VSNL1: variants seen among roughly 807,000 people sequenced by gnomAD.
VSNL1 encodes visinin like 1.
VSNL1 carries 6 observed loss-of-function variants against 20.4 expected under a neutral mutation model. The observed-to-expected ratio is 0.29, with a 90% CI of 0.16 to 0.58. VSNL1 has a LOEUF of 0.58. VSNL1 is among the 20% of genes least tolerant of loss of function. VSNL1 has a pLI of 0.90. For synonymous variants in VSNL1, 93 were observed against 86.4 expected, an observed-to-expected ratio of 1.08 and a Z score of -0.42; for missense variants, 100 against 234.5, an observed-to-expected ratio of 0.43 and a Z score of 3.75.
intron 2 of VSNL1, among the ~76,000 whole-genome samples, chr2:17,611,866 A>G (rs766759009): frequency 3.4e-4 from 51 of 152,220 alleles, no homozygotes; most frequent in Admixed American, 6.5e-4. Context: ...TAATGCGTAC[A>G]TCCTGCTAAG....
chr2:17,584,194 C>T (rs1468827596), intron 1 of VSNL1, among the ~76,000 whole-genome samples: 1 of 151,920 alleles, frequency 6.6e-6, no homozygotes, highest in Non-Finnish European at 1.5e-5. Context: ...TACGCTAAGT[C>T]CAGATGAAAA....
At chr2:17,632,076 G>A (rs773235646) in intron 2 of VSNL1, among the ~76,000 whole-genome samples, 2 of 151,948 alleles carry the variant, frequency 1.3e-5, no homozygotes, top group Non-Finnish European at 2.9e-5. Context: ...TAGTAGAGAC[G>A]GTTTTTCACC....
At chr2:17,599,270 T>C (rs1004487384) in intron 2 of VSNL1, among the ~76,000 whole-genome samples, 3 of 152,110 alleles carry the variant, frequency 2.0e-5, no homozygotes, top group Non-Finnish European at 4.4e-5. Context: ...GTTAGGAAGG[T>C]GACATTCAAG....
At chr2:17,558,950 T>C (rs1385672320) in intron 1 of VSNL1, among the ~76,000 whole-genome samples, 1 of 152,108 alleles carries the variant, frequency 6.6e-6, no homozygotes, top group Non-Finnish European at 1.5e-5. Context: ...CTCACTCATA[T>C]AAAGAAACTC....
At chr2:17,618,485 G>A (rs1333514260) in intron 2 of VSNL1, among the ~76,000 whole-genome samples, 4 of 152,208 alleles carry the variant, frequency 2.6e-5, no homozygotes, top group African/African-American at 9.7e-5. Context: ...GGATAATCCA[G>A]AAATAATTTC....
At chr2:17,576,917 T>C (rs888442462) in intron 1 of VSNL1, among the ~76,000 whole-genome samples, 1 of 152,232 alleles carries the variant, frequency 6.6e-6, no homozygotes, top group Non-Finnish European at 1.5e-5. Context: ...TTGCTTTAGA[T>C]ACAAATACAG....
At chr2:17,632,394 G>T (rs912947956) in intron 2 of VSNL1, among the ~76,000 whole-genome samples, 1 of 151,956 alleles carries the variant, frequency 6.6e-6, no homozygotes, top group African/African-American at 2.4e-5. Context: ...TCTGCCTCCC[G>T]GGTTCAAGTG....
chr2:17,608,370 A>T (rs1665004001), intron 2 of VSNL1, among the ~76,000 whole-genome samples: 1 of 152,214 alleles, frequency 6.6e-6, no homozygotes, highest in Non-Finnish European at 1.5e-5. Flanking sequence ...TGTTAAAGCT[A>T]ATATGTCGTG....
rs78000189 is a variant in VSNL1, at chr2:17,576,171, T to C, written c.-5-15899T>C. 8.6e-4 allele frequency among the ~76,000 whole-genome samples: 131 copies of C among 152,298 alleles called. 4 individuals carry two copies. The East Asian group carries it at 0.024, about 27-fold the overall frequency. Reference sequence around the variant, plus strand: ...TGTCTTCATTTTTTGCAGTAACTAGTTGTAATTATAGAGTGTGTTTAATTT... The same window carrying C: ...TGTCTTCATTTTTTGCAGTAACTAGCTGTAATTATAGAGTGTGTTTAATTT... On this transcript the variant is annotated intron_variant, in intron 1 of 3. Coordinates refer to ENST00000295156, the MANE Select transcript of VSNL1 (RefSeq NM_003385.5).
chr2:17,588,840 A>G (rs190363167), intron 1 of VSNL1, among the ~76,000 whole-genome samples: 65 of 152,332 alleles, frequency 4.3e-4, no homozygotes, highest in Admixed American at 9.8e-4. Flanking sequence ...TATATAGATT[A>G]TGAGACATTT....
chr2:17,629,160 G>C (rs1665577747), intron 2 of VSNL1, among the ~76,000 whole-genome samples: 1 of 152,204 alleles, frequency 6.6e-6, no homozygotes, highest in African/African-American at 2.4e-5. Flanking sequence ...CCCAGACTGA[G>C]TTTTCAGGGC....
At chr2:17,631,993 TCTC>T (rs1342826130) in intron 2 of VSNL1, among the ~76,000 whole-genome samples, 20 of 152,160 alleles carry the variant, frequency 1.3e-4, no homozygotes, top group Admixed American at 8.5e-4. Context: ...TTCAAGTAAT[TCTC>T]CTTCCTCAGC....
chr2:17,585,860 C>T (rs1473885114), intron 1 of VSNL1, among the ~76,000 whole-genome samples: 2 of 149,384 alleles, frequency 1.3e-5, no homozygotes, highest in Admixed American at 1.3e-4. Context: ...GGCTGGAGTA[C>T]AATGGTGCGA....
rs1038636997 is a variant in VSNL1 at position 17,634,639 on chromosome 2, A to G, written c.163-14771A>G. On this transcript the variant is annotated intron_variant, in intron 2 of 3. Coordinates refer to ENST00000295156, the MANE Select transcript of VSNL1 (RefSeq NM_003385.5). This position sits in a 1 kb window ranked among gnomAD's most constrained non-coding sequence, Gnocchi z 4.3. ...CTCATCTCTCCTCTGAGATCAGCAA[A>G]GTAAGAATGAGCCTCTCAGGTCGTA... Among the ~76,000 whole-genome samples the G allele has an allele frequency of 6.6e-6, 1 of 152,208 alleles. No homozygotes were observed. Among genetic ancestry groups the G allele is most frequent in the Non-Finnish European group, 1.5e-5 (1 of 68,050 alleles).
chr2:17,647,772 A>G (rs1217115265), intron 2 of VSNL1, among the ~76,000 whole-genome samples: 2 of 152,238 alleles, frequency 1.3e-5, no homozygotes, highest in South Asian at 2.1e-4. Context: ...GACCAAGTCA[A>G]TTTTGAGTAA....
At chr2:17,585,697 C>G (rs1210872888) in intron 1 of VSNL1, among the ~76,000 whole-genome samples, 4 of 152,136 alleles carry the variant, frequency 2.6e-5, no homozygotes, top group African/African-American at 7.2e-5. Context: ...CATCACCTTC[C>G]TGAGCCTCAA....
intron 1 of VSNL1, among the ~76,000 whole-genome samples, chr2:17,547,582 G>A (rs934178624): frequency 1.3e-5 from 2 of 152,078 alleles, no homozygotes; most frequent in African/African-American, 4.8e-5. Flanking sequence ...TAATGGAGAA[G>A]ACAGATAAAT....
Position 17,655,567 on chromosome 2 carries a change from A to G in VSNL1, c.*173A>G, listed in dbSNP as rs1443869147. The G allele has an allele frequency of 1.6e-6, 1 of 611,384 alleles. No homozygotes were observed. Among genetic ancestry groups the G allele is most frequent in the African/African-American group, 1.8e-5 (1 of 54,164 alleles). 37.9% of individuals were successfully genotyped at this position (611,384 alleles called of 1,614,324 possible). On this transcript the variant is annotated 3_prime_UTR_variant, in exon 4 of 4. Transcript: ENST00000295156. This position sits in a 1 kb window ranked among gnomAD's most constrained non-coding sequence, Gnocchi z 5.2. ...GTTTGAAACACTCGTGTGCATGAGA[A>G]TGTCATTTGCTAATGAATTTTAAAA...
chr2:17,644,851 G>T (rs1004456428), intron 2 of VSNL1, among the ~76,000 whole-genome samples: 6 of 152,220 alleles, frequency 3.9e-5, no homozygotes, highest in Non-Finnish European at 8.8e-5. Context: ...GCTAATTCCA[G>T]CAGGGTAAGG....
Sources: allele counts gnomAD v4.1 joint callset (sites outside exome capture counted in the v4.1 genomes callset), GRCh38; gene constraint gnomAD v4.1.1; non-coding constraint Gnocchi (gnomAD v3.1); transcripts MANE v1.5; gene names NCBI Gene and HGNC (gene_info 2026-07-23, HGNC 2026-07-21).